RABGAP1L: variants seen among roughly 807,000 people sequenced by gnomAD.
RABGAP1L encodes the protein RAB GTPase activating protein 1 like.
In RABGAP1L, 63 loss-of-function variants were observed where a neutral mutation model predicts 137.7. The ratio of observed to expected loss-of-function variants is 0.46; its 90% confidence interval spans 0.37 to 0.56. The LOEUF is 0.56. RABGAP1L is among the 20% of genes least tolerant of loss of function. The pLI is 0.00. For missense variants in RABGAP1L, 1,095 were observed against 1,244.0 expected, an observed-to-expected ratio of 0.88 and a Z score of 1.80; for synonymous variants, 431 against 433.7, an observed-to-expected ratio of 0.99 and a Z score of 0.08.
At chr1:174,806,456 A>T (rs967577055) in intron 18 of RABGAP1L, among the ~76,000 whole-genome samples, 1 of 152,168 alleles carries the variant, frequency 6.6e-6, no homozygotes, top group African/African-American at 2.4e-5. Context: ...ACAAAAAAAC[A>T]AATTTGCCAG....
chr1:174,865,848 A>G (rs1422407684), intron 19 of RABGAP1L, among the ~76,000 whole-genome samples: 3 of 152,200 alleles, frequency 2.0e-5, no homozygotes, highest in Non-Finnish European at 4.4e-5. Context: ...ATTGACTAAT[A>G]TAGAGCTTAT....
chr1:174,917,348 A>G (rs1398427814), intron 19 of RABGAP1L, among the ~76,000 whole-genome samples: 1 of 152,210 alleles, frequency 6.6e-6, no homozygotes, highest in Non-Finnish European at 1.5e-5. Context: ...TTATGTATAC[A>G]TCAGAATATA....
At chr1:174,324,259 T>G (rs1177805352) in intron 11 of RABGAP1L, among the ~76,000 whole-genome samples, 1 of 152,132 alleles carries the variant, frequency 6.6e-6, no homozygotes, top group African/African-American at 2.4e-5. Context: ...GCAGAAGAGA[T>G]AGATTAGAGA....
At chr1:174,524,340 C>T (rs1293493164) in intron 13 of RABGAP1L, among the ~76,000 whole-genome samples, 1 of 151,870 alleles carries the variant, frequency 6.6e-6, no homozygotes, top group Non-Finnish European at 1.5e-5. Context: ...TTAATAATAG[C>T]CATTCTACCT....
At chr1:174,506,974 G>A (rs1163110446) in intron 13 of RABGAP1L, among the ~76,000 whole-genome samples, 1 of 152,172 alleles carries the variant, frequency 6.6e-6, no homozygotes, top group African/African-American at 2.4e-5. Flanking sequence ...AGCTGGATGT[G>A]GAGGCGCGTG....
intron 11 of RABGAP1L, among the ~76,000 whole-genome samples, chr1:174,322,933 A>T (rs2148832755): frequency 6.6e-6 from 1 of 152,328 alleles, no homozygotes; most frequent in Non-Finnish European, 1.5e-5. Context: ...ACAGAAAGTT[A>T]CTTGAAAACA....
In RABGAP1L at chr1:174,711,116, CA is replaced by C. The variant is rs1170298384; in HGVS notation, c.2169+8861del. Among the ~76,000 whole-genome samples, 4 of 152,254 alleles carry C rather than the reference CA, an allele frequency of 2.6e-5. No individual in the cohort carries two copies. The South Asian group carries it at 6.2e-4, about 24-fold the overall frequency. The stretch of plus-strand genomic sequence containing the variant: ...CCTCACTGTCTGGGGCCGGCAGGGC[CA>C]GCTGGCCGCTGTGAGTGCGGGGCCT... On this transcript the variant is annotated intron_variant, in intron 17 of 25. Coordinates refer to ENST00000681986, the MANE Select transcript of RABGAP1L (RefSeq NM_001366446.1).
intron 11 of RABGAP1L, among the ~76,000 whole-genome samples, chr1:174,334,189 G>A (rs1005576059): frequency 2.6e-5 from 4 of 152,094 alleles, no homozygotes; most frequent in African/African-American, 7.2e-5. Flanking sequence ...AGGAAATGAC[G>A]GATACCCGAT....
chr1:174,424,219 C>T (rs567632386), intron 13 of RABGAP1L, among the ~76,000 whole-genome samples: 2 of 152,158 alleles, frequency 1.3e-5, no homozygotes, highest in African/African-American at 2.4e-5. Flanking sequence ...TGTCTTCAGT[C>T]GTGTTGACCT....
chr1:174,173,751 A>T (rs1558002360), intron 1 of RABGAP1L, among the ~76,000 whole-genome samples: 1 of 152,104 alleles, frequency 6.6e-6, no homozygotes, highest in Non-Finnish European at 1.5e-5. Context: ...TTATTGGGGA[A>T]ACAGATGAAT....
At chr1:174,557,242 A>T (rs1008154855) in intron 13 of RABGAP1L, among the ~76,000 whole-genome samples, 1 of 152,214 alleles carries the variant, frequency 6.6e-6, no homozygotes, top group Non-Finnish European at 1.5e-5. Flanking sequence ...GGCAGGTCTA[A>T]TATCTTCAAT....
rs562085587 is a variant in RABGAP1L at position 174,222,647 on chromosome 1, C to T, written c.331+1483C>T. ...ATGTTTTATGCTGAAATTTAAAATG[C>T]GTTACCATCAAGATATATTGAAACA... On this transcript the variant is annotated intron_variant, in intron 3 of 25. Transcript: ENST00000681986. Among the ~76,000 whole-genome samples the T allele has an allele frequency of 9.9e-5, 15 of 150,878 alleles. 1 individual carries two copies. Among genetic ancestry groups the T allele is most frequent in the Admixed American group, 7.3e-4 (11 of 15,162 alleles).
At chr1:174,386,007 T>C (rs556212072) in intron 12 of RABGAP1L, among the ~76,000 whole-genome samples, 2 of 150,020 alleles carry the variant, frequency 1.3e-5, no homozygotes, top group Non-Finnish European at 2.9e-5. Flanking sequence ...TTAGAAAGGA[T>C]GTAACAGAAA....
At chr1:174,937,619 A>ATATATATATATATATATATATATATATAT (rs1665075114) in intron 19 of RABGAP1L, among the ~76,000 whole-genome samples, 1 of 109,648 alleles carries the variant, frequency 9.1e-6, no homozygotes, top group Non-Finnish European at 1.8e-5. Context: ...TACTTCATTA[A>ATATATATATATATATATATATATATATAT]ATATATATAT....
At chr1:174,289,557 C>T (rs1323004923) in intron 10 of RABGAP1L, among the ~76,000 whole-genome samples, 1 of 152,056 alleles carries the variant, frequency 6.6e-6, no homozygotes, top group Non-Finnish European at 1.5e-5. Context: ...CTTTGTGATC[C>T]TCATATCATT....
intron 5 of RABGAP1L, among the ~76,000 whole-genome samples, chr1:174,248,614 T>A (rs776172346): frequency 1.5e-4 from 23 of 152,158 alleles, no homozygotes; most frequent in Non-Finnish European, 3.2e-4. Context: ...AATCATTGGT[T>A]AATGGGTATA....
chr1:174,888,092 G>A (rs1264886297), intron 19 of RABGAP1L, among the ~76,000 whole-genome samples: 1 of 152,006 alleles, frequency 6.6e-6, no homozygotes, highest in East Asian at 1.9e-4. Context: ...TTATGATATG[G>A]TAATAAGTAC....
chr1:174,275,763 G>A (rs1674945856), intron 8 of RABGAP1L, 70 bp from the exon 9 acceptor site: 4 of 1,139,102 alleles, frequency 3.5e-6, no homozygotes, highest in Non-Finnish European at 5.1e-6. Context: ...ATTGCTTAAA[G>A]TAAGATGTAA....
chr1:174,503,817 C>G (rs1373619008), intron 13 of RABGAP1L, among the ~76,000 whole-genome samples: 1 of 151,662 alleles, frequency 6.6e-6, no homozygotes, highest in Non-Finnish European at 1.5e-5. Context: ...GATGAAAGAC[C>G]TCTACACTGA....
Sources: allele counts gnomAD v4.1 joint callset (sites outside exome capture counted in the v4.1 genomes callset), GRCh38; gene constraint gnomAD v4.1.1; transcripts MANE v1.5; gene names NCBI Gene and HGNC (gene_info 2026-07-23, HGNC 2026-07-21).